Variants in INSR observed in about 807,000 individuals in gnomAD.
The protein encoded by INSR is IR.
A neutral mutation model predicts 142.6 loss-of-function variants in INSR; 67 were observed. The ratio of observed to expected loss-of-function variants is 0.47; its 90% CI spans 0.39 to 0.58. INSR has a LOEUF of 0.58. Ranked by LOEUF, INSR falls within the 20% of genes least tolerant of loss-of-function variation. The probability of loss-of-function intolerance (pLI) is 0.00; values close to 1 mark genes in which losing one functional copy is unlikely to be tolerated. For missense variants in INSR, 1,248 were observed against 1,833.2 expected (o/e 0.68, Z 5.83); for synonymous variants, 756 against 743.1 (o/e 1.02, Z -0.28).
rs72149315 is a variant in INSR at position 7,114,047 on chromosome 19, C to CAAA, written c.*3006_*3008dup. On this transcript the variant is annotated 3_prime_UTR_variant, in exon 22 of 22. Coordinates refer to ENST00000302850, the MANE Select transcript of INSR (RefSeq NM_000208.4). ...AACACAGAGGTCCAAGGTGTTGTTG[C>CAAA]AAAAAAAAAAAAAAAAAAAAAAAAA... The CAAA allele has an allele frequency of 3.8e-4, 25 of 65,462 alleles. No individual in the cohort carries two copies. The highest frequency in any genetic ancestry group is 6.6e-4 in the South Asian group (1 of 1,520). The allele number at this position is 65,462 out of a possible 1,614,324, so 4.1% of individuals were successfully genotyped here.
rs113979682 is a variant in INSR at position 7,168,753 on chromosome 19, C to A, written c.1484-659G>T. 1.7e-4 allele frequency among the ~76,000 whole-genome samples: 26 copies of A among 150,138 alleles called. No homozygotes were observed. The highest frequency in any genetic ancestry group is 6.5e-4 in the African/African-American group (26 of 39,966). ...CTGGGATTACAGGCACCCACCACCA[C>A]GTCCAGCTAGTTTTTGTATTTTTTT... On this transcript the variant is annotated intron_variant, in intron 6 of 21. Transcript: ENST00000302850. The surrounding 1 kb of genome is among the most constrained non-coding windows in gnomAD (Gnocchi z 4.3).
intron 2 of INSR, among the ~76,000 whole-genome samples, chr19:7,185,862 GAGAGAGAGACAA>G (rs1216471467): frequency 8.0e-4 from 37 of 46,296 alleles, no homozygotes; most frequent in African/African-American, 2.5e-3. Flanking sequence ...AAAAAAAAGA[GAGAGAGAGACAA>G]AGAGAGAGAG....
intron 9 of INSR, among the ~76,000 whole-genome samples, chr19:7,154,975 A>G (rs1213781439): frequency 6.6e-6 from 1 of 152,146 alleles, no homozygotes; most frequent in Non-Finnish European, 1.5e-5. Context: ...TGAAGATTAT[A>G]AGGTAACCAG....
intron 2 of INSR, among the ~76,000 whole-genome samples, chr19:7,206,818 C>CA (rs1299037470): frequency 3.3e-5 from 5 of 152,098 alleles, no homozygotes; most frequent in African/African-American, 1.2e-4. Context: ...AAACGGGTGA[C>CA]ACGCTGTTTT....
intron 2 of INSR, among the ~76,000 whole-genome samples, chr19:7,229,194 T>TG (rs1568204126): frequency 7.9e-5 from 10 of 126,398 alleles, no homozygotes; most frequent in Admixed American, 3.4e-4. Context: ...GGTGAGTGGA[T>TG]GAATGGATGG....
At chr19:7,130,638 G>C (rs1972753236) in intron 14 of INSR, among the ~76,000 whole-genome samples, 1 of 152,102 alleles carries the variant, frequency 6.6e-6, no homozygotes, top group African/African-American at 2.4e-5. Flanking sequence ...CACCATGATT[G>C]AAAGTTTCTT....
rs370904891 is a variant in INSR, at chr19:7,265,688, T to C, written c.652+1657A>G. 2.0e-5 allele frequency among the ~76,000 whole-genome samples: 3 copies of C among 150,374 alleles called. No homozygotes were observed. In the East Asian group the frequency reaches 5.9e-4, roughly 29 times the overall value. On this transcript the variant is annotated intron_variant, in intron 2 of 21. Transcript: ENST00000302850. The stretch of plus-strand genomic sequence containing the variant: ...AGGCAGAGGTTGCAGTGAGCCGAGA[T>C]TGCACCATCGCACTCCAGTCTTAAC...
rs766444492 is a variant in INSR at position 7,166,558 on chromosome 19, A to G, written c.1611-154T>C. Among the ~76,000 whole-genome samples the G allele has an allele frequency of 6.6e-6, 1 of 152,208 alleles. No individual in the cohort carries two copies. Among genetic ancestry groups the G allele is most frequent in the Non-Finnish European group, 1.5e-5 (1 of 68,034 alleles). The stretch of plus-strand genomic sequence containing the variant: ...AGAAAAAATAACTCGGGAACAGCCA[A>G]AGAGAAAGGAACTGTCAACCCTGAC... On this transcript the variant is annotated intron_variant, in intron 7 of 21. Coordinates refer to ENST00000302850, the MANE Select transcript of INSR (RefSeq NM_000208.4). The surrounding 1 kb of genome is among the most constrained non-coding windows in gnomAD (Gnocchi z 4.1).
At position 7,266,843 on chromosome 19, in the gene INSR, C is replaced by T. The variant is rs910638665; in HGVS notation, c.652+502G>A. 1.1e-4 allele frequency among the ~76,000 whole-genome samples: 17 copies of T among 152,202 alleles called. 1 individual carries two copies. In the South Asian group the frequency reaches 3.5e-3, roughly 32 times the overall value. ...GAATGTTTTGCTTTTTTTTCGTTTACAAGTGTCTTTTTCCAAATGTCTATT... is the reference window on the plus strand; with the variant it reads ...GAATGTTTTGCTTTTTTTTCGTTTATAAGTGTCTTTTTCCAAATGTCTATT... On this transcript the variant is annotated intron_variant, in intron 2 of 21. Coordinates refer to ENST00000302850, the MANE Select transcript of INSR (RefSeq NM_000208.4).
rs1346927603 is a variant in INSR at position 7,216,136 on chromosome 19, A to AAC, written c.653-31501_653-31500dup. On this transcript the variant is annotated intron_variant, in intron 2 of 21. Transcript: ENST00000302850. This position sits in a 1 kb window ranked among gnomAD's most constrained non-coding sequence, Gnocchi z 4.2. Reference sequence around the variant, plus strand: ...TCAGGAGTTCTAGATCAGCCTGACCAACATGGTGAAACCCCGTCTCTACTA... The same window carrying AAC: ...TCAGGAGTTCTAGATCAGCCTGACCAACACATGGTGAAACCCCGTCTCTACTA... Among the ~76,000 whole-genome samples, 4 of 152,094 alleles carry AAC rather than the reference A, an allele frequency of 2.6e-5. No homozygotes were observed. In the East Asian group the frequency reaches 7.9e-4, roughly 30 times the overall value.
At chr19:7,141,113 G>A (rs1232380891) in intron 13 of INSR, among the ~76,000 whole-genome samples, 1 of 152,094 alleles carries the variant, frequency 6.6e-6, no homozygotes, top group Non-Finnish European at 1.5e-5. Context: ...TGCAATCTCT[G>A]CTCACTGCAA....
intron 2 of INSR, among the ~76,000 whole-genome samples, chr19:7,264,861 C>T (rs1016477456): frequency 2.0e-5 from 3 of 152,192 alleles, no homozygotes; most frequent in African/African-American, 7.2e-5. Context: ...TTCAACTATC[C>T]CACTCCCGAT....
intron 1 of INSR, among the ~76,000 whole-genome samples, chr19:7,286,366 CAG>C (rs1046263191): frequency 1.3e-5 from 2 of 151,798 alleles, no homozygotes; most frequent in Non-Finnish European, 2.9e-5. Context: ...CTTTTGGGGA[CAG>C]GGGGACAAGA....
intron 9 of INSR, among the ~76,000 whole-genome samples, chr19:7,158,457 C>T (rs1441886849): frequency 1.3e-5 from 2 of 152,026 alleles, no homozygotes; most frequent in East Asian, 1.9e-4. Flanking sequence ...GCCGAGATCA[C>T]GCCACTGAAC....
intron 3 of INSR, among the ~76,000 whole-genome samples, chr19:7,182,473 A>G (rs1974298134): frequency 6.6e-6 from 1 of 152,198 alleles, no homozygotes; most frequent in Non-Finnish European, 1.5e-5. Context: ...AGATCATGCC[A>G]CTGCACTCCA....
At chr19:7,207,676 A>G in intron 2 of INSR, among the ~76,000 whole-genome samples, 1 of 149,402 alleles carries the variant, frequency 6.7e-6, no homozygotes, top group Admixed American at 6.7e-5. Context: ...TAATCCCAGC[A>G]CTTTGGGAGG....
chr19:7,153,037 C>CACAT, intron 9 of INSR, 110 bp from the exon 10 acceptor site: 6 of 366,670 alleles, frequency 1.6e-5, no homozygotes, highest in East Asian at 1.4e-4. Flanking sequence ...CACACACACA[C>CACAT]ACACCACACA....
chr19:7,252,930 A>G (rs749654883), intron 2 of INSR, among the ~76,000 whole-genome samples: 28 of 152,122 alleles, frequency 1.8e-4, no homozygotes, highest in Admixed American at 7.2e-4. Flanking sequence ...CCTGGCCAAC[A>G]TGGTGAAACC....
chr19:7,123,073 C>T (rs1972534204), intron 17 of INSR, 84 bp from the exon 18 acceptor site: 2 of 974,396 alleles, frequency 2.1e-6, no homozygotes, highest in Admixed American at 4.0e-5. Context: ...GTGTCTATGT[C>T]ACACACAGCA....
Sources: gnomAD v4.1 joint callset for allele counts (sites outside exome capture counted in the v4.1 genomes callset) on GRCh38, gnomAD v4.1.1 for gene constraint, Gnocchi (gnomAD v3.1) non-coding constraint, MANE v1.5 for transcripts, NCBI Gene and HGNC (gene_info 2026-07-23, HGNC 2026-07-21) for gene names.